The following DLAT variants were observed in gnomAD, a reference collection of about 807,000 sequenced individuals.
DLAT encodes the protein dihydrolipoyllysine-residue acetyltransferase component of pyruvate dehydrogenase complex, mitochondrial.
A neutral mutation model predicts 68.0 loss-of-function variants in DLAT; 43 were observed. The observed-to-expected ratio is 0.63, with a 90% CI of 0.50 to 0.81. DLAT has a LOEUF of 0.81. Ranked by LOEUF, DLAT falls within the 40% of genes least tolerant of loss-of-function variation. The pLI is 0.00. For missense variants in DLAT, 745 were observed against 815.4 expected (o/e 0.91, Z 1.05); for synonymous variants, 265 against 288.6 (o/e 0.92, Z 0.83).
chr11:112,027,268 CGGCCGGGT>C (rs1862097519), intron 2 of DLAT, among the ~76,000 whole-genome samples: 1 of 150,500 alleles, frequency 6.6e-6, no homozygotes, highest in Non-Finnish European at 1.5e-5. Context: ...GACGGGGTCG[CGGCCGGGT>C]AGAGGCGCTC....
At chr11:112,032,541 G>A (rs797038387) in intron 4 of DLAT, 2 of 151,892 alleles carry the variant, frequency 1.3e-5, no homozygotes, top group East Asian at 3.9e-4. Context: ...CTTGCGCAGG[G>A]GCCATGCTAA....
chr11:112,025,547 G>C lies in DLAT; in HGVS notation c.75G>C (p.Leu25Phe). Reference sequence around the variant, plus strand: ...GACTCGAGGCTCGGTGGACGGCCTTGCAGGAGGTACCCGGAACTCCACGAG... The same window carrying C: ...GACTCGAGGCTCGGTGGACGGCCTTCCAGGAGGTACCCGGAACTCCACGAG... ...WAGLEARWTA[L>F]QEVPGTPRVT... The change falls in exon 1 of 14, where the codon TTG becomes TTC. Residue 25 changes from leucine (L) to phenylalanine (F), a missense_variant. Coordinates refer to ENST00000280346, the MANE Select transcript of DLAT (RefSeq NM_001931.5). The C allele has an allele frequency of 6.2e-7, 1 of 1,613,986 alleles. No individual in the cohort carries two copies. The highest frequency in any genetic ancestry group is 8.5e-7 in the Non-Finnish European group (1 of 1,179,998).
chr11:112,063,436 A>G lies in DLAT; in HGVS notation c.*901A>G, dbSNP rs1436519523. 6.6e-6 allele frequency: 1 copy of G among 152,644 alleles called. No homozygotes were observed. The highest frequency in any genetic ancestry group is 1.5e-5 in the Non-Finnish European group (1 of 68,022). The allele number at this position is 152,644 out of a possible 1,614,324, so 9.5% of individuals were successfully genotyped here. On this transcript the variant is annotated 3_prime_UTR_variant, in exon 14 of 14. Coordinates refer to ENST00000280346, the MANE Select transcript of DLAT (RefSeq NM_001931.5). ...CAAATAACTAAGGAATATATATGGA[A>G]TAAGTGTACATATGTAAAATATTGT...
At chr11:112,060,942 C>T (rs919945707) in intron 12 of DLAT, 96 bp from the exon 13 acceptor site, 2 of 1,120,508 alleles carry the variant, frequency 1.8e-6, no homozygotes, top group Admixed American at 2.1e-5. Flanking sequence ...TAAGACCTTG[C>T]ACCTTTTTAG....
intron 11 of DLAT, among the ~76,000 whole-genome samples, chr11:112,058,170 A>G (rs1465139827): frequency 6.6e-6 from 1 of 152,198 alleles, no homozygotes; most frequent in Non-Finnish European, 1.5e-5. Context: ...TTTATTTAAC[A>G]TGTACTGTTT....
At chr11:112,057,660 C>T (rs587680414) in intron 11 of DLAT, among the ~76,000 whole-genome samples, 82 of 152,208 alleles carry the variant, frequency 5.4e-4, no homozygotes, top group African/African-American at 1.8e-3. Context: ...GTGAGGAAGC[C>T]GCGTAACAGA....
chr11:112,027,097 C>G (rs1274091988), intron 2 of DLAT, among the ~76,000 whole-genome samples: 6 of 151,722 alleles, frequency 4.0e-5, no homozygotes, highest in African/African-American at 1.5e-4. Flanking sequence ...CTCCTCACTT[C>G]CCAGACGGGG....
At position 112,062,571 on chromosome 11, in the gene DLAT, C is replaced by A. The variant is rs587683261; in HGVS notation, c.*36C>A. ...AATTTCTAAACTCTCCCAGGTCACA[C>A]TGATTCATTCTTAACAAGATATTTA... On this transcript the variant is annotated 3_prime_UTR_variant, in exon 14 of 14. Transcript: ENST00000280346. 1 of 1,605,094 alleles carries A rather than the reference C, an allele frequency of 6.2e-7. No individual in the cohort carries two copies. Among genetic ancestry groups the A allele is most frequent in the Non-Finnish European group, 8.5e-7 (1 of 1,173,852 alleles).
intron 2 of DLAT, 105 bp from the exon 3 acceptor site, chr11:112,028,410 C>T: frequency 7.7e-7 from 1 of 1,293,352 alleles, no homozygotes; most frequent in African/African-American, 1.8e-5. Flanking sequence ...CAGAATGAGA[C>T]TCTGTGTCTC....
chr11:112,054,510 A>G (rs1050649761), intron 11 of DLAT, among the ~76,000 whole-genome samples: 2 of 152,282 alleles, frequency 1.3e-5, no homozygotes, highest in African/African-American at 2.4e-5. Flanking sequence ...TTCTACGTAT[A>G]TGTGAATTCT....
Position 112,062,654 on chromosome 11 carries a change from T to C in DLAT, c.*119T>C, listed in dbSNP as rs1464767421. 1.1e-5 allele frequency: 13 copies of C among 1,208,666 alleles called. No homozygotes were observed. Among genetic ancestry groups the C allele is most frequent in the Admixed American group, 1.1e-4 (5 of 47,066 alleles). The allele number at this position is 1,208,666 out of a possible 1,614,324, so 74.9% of individuals were successfully genotyped here. A position where few individuals can be genotyped will look rare whatever the true frequency, so the allele number is the denominator to read the frequency against. On this transcript the variant is annotated 3_prime_UTR_variant, in exon 14 of 14. Transcript: ENST00000280346. ...AACCAGTTATTTTTATTATTGAGTC[T>C]GTCCAGATAAGTTATTTATAATGGG...
At chr11:112,027,003 A>T (rs1168019587) in intron 2 of DLAT, among the ~76,000 whole-genome samples, 9 of 145,940 alleles carry the variant, frequency 6.2e-5, no homozygotes, top group African/African-American at 2.3e-4. Flanking sequence ...TGGCCCCACC[A>T]CCTCCCTCCC....
intron 11 of DLAT, among the ~76,000 whole-genome samples, chr11:112,052,566 G>A (rs974285598): frequency 1.3e-5 from 2 of 152,186 alleles, no homozygotes; most frequent in Non-Finnish European, 2.9e-5. Flanking sequence ...GCTAGGGCGA[G>A]GTTTGAGGTG....
rs587761881 is a variant in DLAT at position 112,041,604 on chromosome 11, C to G, written c.1130-1862C>G. On this transcript the variant is annotated intron_variant, in intron 7 of 13. Coordinates refer to ENST00000280346, the MANE Select transcript of DLAT (RefSeq NM_001931.5). ...GAACATAAAAGAGGCCAGTGTTGGC[C>G]AGGCGCAATGGCTCACGCCTGTAAT... Among the ~76,000 whole-genome samples, 15 of 152,226 alleles carry G rather than the reference C, an allele frequency of 9.9e-5. No individual in the cohort carries two copies. The South Asian group carries it at 3.1e-3, about 32-fold the overall frequency.
intron 7 of DLAT, 57 bp downstream of exon 7, chr11:112,039,454 C>T (rs1157940667): frequency 1.9e-6 from 3 of 1,569,590 alleles, no homozygotes; most frequent in Admixed American, 3.3e-5. Context: ...TGAATTTCCT[C>T]CTTAAGACTT....
rs1455564444 is a variant in DLAT, at chr11:112,037,376, G to A, written c.891G>A (p.Glu297=). 8.7e-6 allele frequency: 14 copies of A among 1,614,072 alleles called. No homozygotes were observed. The highest frequency in any genetic ancestry group is 1.1e-5 in the Non-Finnish European group (13 of 1,180,040). ...GTPLCIIVEK[E]ADISAFADYR... ...CACTCTGTATCATTGTAGAAAAAGA[G>A]GCAGATATATCAGCATTTGCTGACT... The change falls in exon 6 of 14, where the codon GAG becomes GAA. Residue 297 remains glutamate, a synonymous_variant. Transcript: ENST00000280346.
At chr11:112,025,813 A>G in intron 1 of DLAT, 62 bp downstream of exon 1, 1 of 1,597,142 alleles carries the variant, frequency 6.3e-7, no homozygotes, top group East Asian at 2.2e-5. Flanking sequence ...GGATGCCTGC[A>G]AGATCCTCCT....
At chr11:112,030,816 G>T (rs1555179894) in intron 4 of DLAT, among the ~76,000 whole-genome samples, 1 of 152,098 alleles carries the variant, frequency 6.6e-6, no homozygotes, top group Middle Eastern at 3.2e-3. Flanking sequence ...AGAAATTTTT[G>T]TATAGGAATC....
At chr11:112,029,517 T>C (rs1471342155) in intron 4 of DLAT, among the ~76,000 whole-genome samples, 1 of 152,058 alleles carries the variant, frequency 6.6e-6, no homozygotes, top group Non-Finnish European at 1.5e-5. Flanking sequence ...AACCAGGCTC[T>C]TTATAGCAAT....
Sources: gnomAD v4.1 joint callset for allele counts (sites outside exome capture counted in the v4.1 genomes callset) on GRCh38, gnomAD v4.1.1 for gene constraint, MANE v1.5 for transcripts, NCBI Gene and HGNC (gene_info 2026-07-23, HGNC 2026-07-21) for gene names.